The following PGM5 variants were observed in gnomAD, a reference collection of about 807,000 sequenced individuals.
PGM5 encodes the protein phosphoglucomutase-like protein 5.
Under a neutral mutation model 59.2 loss-of-function variants are expected in PGM5, and 23 were observed. The observed-to-expected ratio is 0.39, with a 90% CI of 0.28 to 0.55. The LOEUF is 0.55. Ranked by LOEUF, PGM5 falls within the 20% of genes least tolerant of loss-of-function variation. The pLI, the probability that PGM5 is intolerant of heterozygous loss-of-function variation, is 0.66. For missense variants in PGM5, 574 were observed against 748.3 expected (o/e 0.77, Z 2.72); for synonymous variants, 214 against 286.0 (o/e 0.75, Z 2.54).
chr9:68,373,826 C>A (rs1355166286), intron 1 of PGM5, among the ~76,000 whole-genome samples: 1 of 152,206 alleles, frequency 6.6e-6, no homozygotes, highest in Non-Finnish European at 1.5e-5. Context: ...GATGGGGACC[C>A]AGTTTCCTTC....
intron 4 of PGM5, among the ~76,000 whole-genome samples, chr9:68,389,182 T>C (rs1484094888): frequency 2.0e-5 from 3 of 152,104 alleles, no homozygotes; most frequent in Non-Finnish European, 4.4e-5. Flanking sequence ...CCAAAGATTC[T>C]CTCTTGTAAA....
intron 10 of PGM5, among the ~76,000 whole-genome samples, chr9:68,519,014 G>T (rs1824860826): frequency 6.6e-6 from 1 of 152,178 alleles, no homozygotes; most frequent in African/African-American, 2.4e-5. Context: ...CAAAGGCAAA[G>T]AATAGTTTGA....
At chr9:68,479,358 T>A (rs1050965302) in intron 7 of PGM5, 60 bp from the exon 8 acceptor site, 5 of 1,530,326 alleles carry the variant, frequency 3.3e-6, no homozygotes, top group African/African-American at 1.4e-5. Context: ...TCTTAATTCA[T>A]TTAGCTTTTG....
chr9:68,501,204 C>T (rs1824568153), intron 10 of PGM5, among the ~76,000 whole-genome samples: 1 of 152,148 alleles, frequency 6.6e-6, no homozygotes, highest in African/African-American at 2.4e-5. Flanking sequence ...TTTTCCTAGA[C>T]CTGGCTCGAT....
At chr9:68,520,012 C>T (rs989043061) in intron 10 of PGM5, among the ~76,000 whole-genome samples, 18 of 150,744 alleles carry the variant, frequency 1.2e-4, no homozygotes, top group African/African-American at 4.1e-4. Flanking sequence ...ATTGCTCAAG[C>T]CTGGGAAATT....
chr9:68,404,218 C>T (rs2132031105), intron 6 of PGM5, among the ~76,000 whole-genome samples: 1 of 152,288 alleles, frequency 6.6e-6, no homozygotes, highest in Non-Finnish European at 1.5e-5. Flanking sequence ...CCTCTGCCTC[C>T]TGGGTTGAAG....
intron 10 of PGM5, among the ~76,000 whole-genome samples, chr9:68,519,897 C>CAATAAATA (rs58819780): frequency 0.15 from 20,793 of 139,676 alleles, 1,724 homozygotes; most frequent in African/African-American, 0.2. Flanking sequence ...CTTGTCTTTA[C>CAATAAATA]AATAAATAAA....
intron 6 of PGM5, among the ~76,000 whole-genome samples, chr9:68,442,526 G>T (rs1359638620): frequency 6.6e-6 from 1 of 152,212 alleles, no homozygotes; most frequent in African/African-American, 2.4e-5. Flanking sequence ...GCCTCCCAAA[G>T]TGCTGGGAGT....
intron 6 of PGM5, among the ~76,000 whole-genome samples, chr9:68,455,380 A>T (rs1554684719): frequency 2.0e-5 from 3 of 152,154 alleles, no homozygotes; most frequent in African/African-American, 7.2e-5. Flanking sequence ...CCCTAAAGAG[A>T]GCCAAAAATA....
At chr9:68,494,226 A>AAAAAAAAAT (rs1163693361) in intron 9 of PGM5, among the ~76,000 whole-genome samples, 1 of 152,214 alleles carries the variant, frequency 6.6e-6, no homozygotes, top group Non-Finnish European at 1.5e-5. Flanking sequence ...CTGTGCTAAA[A>AAAAAAAAAT]AAAAAAAATA....
intron 6 of PGM5, among the ~76,000 whole-genome samples, chr9:68,433,525 C>G (rs1823391046): frequency 6.6e-6 from 1 of 152,184 alleles, no homozygotes; most frequent in African/African-American, 2.4e-5. Context: ...CTTTTTCTTT[C>G]ACAGTTTTTT....
intron 10 of PGM5, among the ~76,000 whole-genome samples, chr9:68,506,734 A>G (rs1432873142): frequency 6.6e-6 from 1 of 152,230 alleles, no homozygotes; most frequent in Non-Finnish European, 1.5e-5. Flanking sequence ...AATGGAGTTC[A>G]GAAGTGATGC....
At position 68,376,833 on chromosome 9, in the gene PGM5, C is replaced by CTTTGTT. The variant is rs1461144548; in HGVS notation, c.262-1365_262-1364insTTGTTT. Among the ~76,000 whole-genome samples the CTTTGTT allele has an allele frequency of 4.4e-4, 34 of 77,960 alleles. 1 individual carries two copies. Among genetic ancestry groups the CTTTGTT allele is most frequent in the African/African-American group, 1.7e-3 (32 of 18,478 alleles). The allele number at this position is 77,960 out of a possible 152,430, so 51.1% of individuals were successfully genotyped here. A position where few individuals can be genotyped will look rare whatever the true frequency, so the allele number is the denominator to read the frequency against. On this transcript the variant is annotated intron_variant, in intron 1 of 10. Coordinates refer to ENST00000396396, the MANE Select transcript of PGM5 (RefSeq NM_021965.4). Reference sequence around the variant, plus strand: ...TCTTTCTTTCTTTCTTTCTTTCTTTCTCTTTCTTTCTTTCTTTCTCTTTCT... The same window carrying CTTTGTT: ...TCTTTCTTTCTTTCTTTCTTTCTTTCTTTGTTTCTTTCTTTCTTTCTTTCTCTTTCT...
intron 10 of PGM5, among the ~76,000 whole-genome samples, chr9:68,507,048 C>T (rs1824669621): frequency 6.6e-6 from 1 of 151,872 alleles, no homozygotes; most frequent in Non-Finnish European, 1.5e-5. Flanking sequence ...AAAAGAAAAC[C>T]TGAGCAAGGA....
intron 1 of PGM5, among the ~76,000 whole-genome samples, chr9:68,358,527 G>T (rs1468580722): frequency 1.5e-4 from 23 of 152,182 alleles, no homozygotes; most frequent in African/African-American, 5.6e-4. Flanking sequence ...CACACTCATA[G>T]AACTTTTCTT....
chr9:68,485,514 G>T (rs923841315), intron 9 of PGM5, among the ~76,000 whole-genome samples: 5 of 152,116 alleles, frequency 3.3e-5, no homozygotes, highest in Non-Finnish European at 5.9e-5. Context: ...ATGCTTTCTT[G>T]CCTGCTGCCA....
intron 6 of PGM5, among the ~76,000 whole-genome samples, chr9:68,445,651 T>G (rs1554683961): frequency 6.6e-6 from 1 of 152,188 alleles, no homozygotes; most frequent in African/African-American, 2.4e-5. Flanking sequence ...GAGTCTGCTG[T>G]GAGTACCTTG....
chr9:68,504,035 T>C (rs899049033), intron 10 of PGM5, among the ~76,000 whole-genome samples: 3 of 152,200 alleles, frequency 2.0e-5, no homozygotes, highest in Admixed American at 6.5e-5. Context: ...GAGCCACCCA[T>C]TGAATAGCAA....
chr9:68,499,119 T>C (rs1824528121), intron 9 of PGM5, 108 bp from the exon 10 acceptor site: 1 of 1,185,340 alleles, frequency 8.4e-7, no homozygotes, highest in Non-Finnish European at 1.2e-6. Flanking sequence ...GTCTTGATTC[T>C]GATTGTGTTG....
Sources: gnomAD v4.1 joint callset for allele counts (sites outside exome capture counted in the v4.1 genomes callset) on GRCh38, gnomAD v4.1.1 for gene constraint, MANE v1.5 for transcripts, NCBI Gene and HGNC (gene_info 2026-07-23, HGNC 2026-07-21) for gene names.